Variants in GPRIN3 observed in about 807,000 individuals in gnomAD.
The protein encoded by GPRIN3 is G protein-regulated inducer of neurite outgrowth 3.
A neutral mutation model predicts 13.7 loss-of-function variants in GPRIN3; 12 were observed. The ratio of observed to expected loss-of-function variants is 0.87; its 90% CI spans 0.56 to 1.42. The LOEUF (loss-of-function observed/expected upper bound fraction) is 1.42. Among genes scored for constraint, GPRIN3 ranks in the 40% most tolerant of loss-of-function variants. The pLI is 0.00. For synonymous variants in GPRIN3, 377 were observed against 372.7 expected (o/e 1.01, Z -0.13); for missense variants, 1,009 against 958.7 (o/e 1.05, Z -0.69).
chr4:89,307,297 A>ACACC (rs1491184500), intron 1 of GPRIN3, among the ~76,000 whole-genome samples: 11 of 142,266 alleles, frequency 7.7e-5, no homozygotes, highest in African/African-American at 2.9e-4. Flanking sequence ...ACACACACAC[A>ACACC]CCCCTCATAT....
At chr4:89,292,697 T>C (rs1724608097) in intron 1 of GPRIN3, among the ~76,000 whole-genome samples, 2 of 152,184 alleles carry the variant, frequency 1.3e-5, no homozygotes, top group Non-Finnish European at 2.9e-5. Flanking sequence ...CTTCCACCAT[T>C]GGTAAACTCA....
chr4:89,290,619 C>A (rs185872886), intron 1 of GPRIN3, among the ~76,000 whole-genome samples: 1 of 152,154 alleles, frequency 6.6e-6, no homozygotes, highest in Non-Finnish European at 1.5e-5. Context: ...AGTGAGGAAA[C>A]GTCGATTATA....
At chr4:89,299,788 A>C (rs913062431) in intron 1 of GPRIN3, among the ~76,000 whole-genome samples, 1 of 152,174 alleles carries the variant, frequency 6.6e-6, no homozygotes, top group Non-Finnish European at 1.5e-5. Flanking sequence ...GCATCACTTG[A>C]AAGATTGAGA....
chr4:89,301,352 C>T (rs1235162838), intron 1 of GPRIN3, among the ~76,000 whole-genome samples: 3 of 152,212 alleles, frequency 2.0e-5, no homozygotes, highest in African/African-American at 4.8e-5. Flanking sequence ...TTCAGCATAT[C>T]TGTCCTGTAC....
At chr4:89,265,368 G>T (rs1308435610) in intron 1 of GPRIN3, among the ~76,000 whole-genome samples, 1 of 152,022 alleles carries the variant, frequency 6.6e-6, no homozygotes, top group Non-Finnish European at 1.5e-5. Context: ...CATCTTACTT[G>T]GGGACTTGTA....
intron 1 of GPRIN3, among the ~76,000 whole-genome samples, chr4:89,296,464 T>A (rs138807231): frequency 1.4e-4 from 22 of 152,346 alleles, no homozygotes; most frequent in African/African-American, 5.3e-4. Flanking sequence ...TACCTTTTTT[T>A]TTCTTAGTAT....
chr4:89,266,747 A>G (rs1723792461), intron 1 of GPRIN3, among the ~76,000 whole-genome samples: 1 of 152,096 alleles, frequency 6.6e-6, no homozygotes, highest in Non-Finnish European at 1.5e-5. Context: ...ATGATCCAAA[A>G]CTCCAATCAA....
chr4:89,254,128 G>GGTGTGTGTGTGTGTGTGTGTGT (rs57642647), intron 1 of GPRIN3, among the ~76,000 whole-genome samples: 1,651 of 147,704 alleles, frequency 0.011, 13 homozygotes, highest in Admixed American at 0.016. Flanking sequence ...GTTGCATCTG[G>GGTGTGTGTGTGTGTGTGTGTGT]GTGTGTGTGT....
chr4:89,270,467 C>T (rs1723902404), intron 1 of GPRIN3, among the ~76,000 whole-genome samples: 1 of 148,188 alleles, frequency 6.7e-6, no homozygotes, highest in South Asian at 2.1e-4. Flanking sequence ...CAACTGTACT[C>T]TTTTTCCTGT....
chr4:89,274,632 G>GAA (rs1415002409), intron 1 of GPRIN3, among the ~76,000 whole-genome samples: 1 of 152,196 alleles, frequency 6.6e-6, no homozygotes, highest in African/African-American at 2.4e-5. Context: ...ACACAGACTT[G>GAA]ATTTTTTTGG....
intron 1 of GPRIN3, among the ~76,000 whole-genome samples, chr4:89,300,780 T>G (rs1724874106): frequency 6.6e-6 from 1 of 152,136 alleles, no homozygotes; most frequent in Non-Finnish European, 1.5e-5. Context: ...ATGTTCGACA[T>G]GAAAACAAGA....
chr4:89,286,081 ATG>A (rs148319671), intron 1 of GPRIN3, among the ~76,000 whole-genome samples: 2 of 136,448 alleles, frequency 1.5e-5, no homozygotes, highest in Non-Finnish European at 3.1e-5. Flanking sequence ...GTGTACGTGT[ATG>A]TGTGTGTGTA....
chr4:89,295,461 T>A (rs1230452573), intron 1 of GPRIN3, among the ~76,000 whole-genome samples: 4 of 152,156 alleles, frequency 2.6e-5, no homozygotes, highest in Non-Finnish European at 4.4e-5. Context: ...CATGCCCACA[T>A]TACCTAGTCC....
intron 1 of GPRIN3, among the ~76,000 whole-genome samples, chr4:89,269,228 G>A (rs1723861035): frequency 6.6e-6 from 1 of 152,248 alleles, no homozygotes; most frequent in East Asian, 1.9e-4. Context: ...CATTCTTCCT[G>A]TTAGAATGGT....
At position 89,250,233 on chromosome 4, in the gene GPRIN3, C is replaced by G; in HGVS notation, c.-123G>C. 1 of 1,496,380 alleles carries G rather than the reference C, an allele frequency of 6.7e-7. No individual in the cohort carries two copies. The allele number at this position is 1,496,380 out of a possible 1,614,324, so 92.7% of individuals were successfully genotyped here. ...AGGGATGATTCCTCTGAAGAACCAG[C>G]CTGTGAATCAAGGAAACAGCATCAT... On this transcript the variant is annotated splice_region_variant and 5_prime_UTR_variant, in exon 2 of 2. Transcript: ENST00000609438.
chr4:89,286,823 AT>A (rs1724430444), intron 1 of GPRIN3, among the ~76,000 whole-genome samples: 1 of 152,176 alleles, frequency 6.6e-6, no homozygotes, highest in South Asian at 2.1e-4. Context: ...AAAGCAAATT[AT>A]TTTTGAATTC....
chr4:89,266,595 G>C (rs1125129), intron 1 of GPRIN3, among the ~76,000 whole-genome samples: 13,404 of 152,218 alleles, frequency 0.088, 675 homozygotes, highest in South Asian at 0.13. Context: ...TTGCATTAAG[G>C]GTGAGTGAGA....
intron 1 of GPRIN3, among the ~76,000 whole-genome samples, 192 bp downstream of exon 1, chr4:89,307,423 G>A (rs1725064213): frequency 6.6e-6 from 1 of 152,182 alleles, no homozygotes; most frequent in South Asian, 2.1e-4. Context: ...TGACCTTGCA[G>A]AGAAATTCAT....
intron 1 of GPRIN3, among the ~76,000 whole-genome samples, chr4:89,293,222 T>C (rs1353630004): frequency 2.0e-5 from 3 of 152,236 alleles, no homozygotes; most frequent in African/African-American, 7.2e-5. Flanking sequence ...AGGGACTTCC[T>C]GCAGAAATGA....
Sources: allele counts gnomAD v4.1 joint callset (sites outside exome capture counted in the v4.1 genomes callset), GRCh38; gene constraint gnomAD v4.1.1; transcripts MANE v1.5; gene names NCBI Gene and HGNC (gene_info 2026-07-23, HGNC 2026-07-21).